The following SLC1A3 variants were observed in gnomAD, a reference collection of about 807,000 sequenced individuals.
SLC1A3 encodes the protein solute carrier family 1 member 3.
In SLC1A3, 21 loss-of-function variants were observed where a neutral mutation model predicts 48.1. The ratio of observed to expected loss-of-function variants is 0.44; its 90% CI spans 0.31 to 0.63. The LOEUF (loss-of-function observed/expected upper bound fraction) is 0.63, where lower values mean the gene tolerates loss of function less well. Ranked by LOEUF, SLC1A3 falls within the 20% of genes least tolerant of loss-of-function variation. The pLI is 0.08. For synonymous variants in SLC1A3, 239 were observed against 251.4 expected (o/e 0.95, Z 0.47); for missense variants, 546 against 689.0 (o/e 0.79, Z 2.32).
rs145882647 is a variant in SLC1A3 at position 36,608,601 on chromosome 5, G to C, written c.178G>C (p.Val60Leu). 2.5e-6 allele frequency: 4 copies of C among 1,610,940 alleles called. No homozygotes were observed. The African/African-American group carries it at 5.5e-5, about 22-fold the overall frequency. Residue 60 changes from valine to leucine, a missense_variant, in exon 2 of 10, where the codon GTG (valine) becomes CTG (leucine). Transcript: ENST00000265113. ...GCTGCTCACAGTCACCGCTGTCATTGTGGGTGAGTCATTTGATTAAAAACA... is the reference window on the plus strand; with the variant it reads ...GCTGCTCACAGTCACCGCTGTCATTCTGGGTGAGTCATTTGATTAAAAACA... ...FVLLTVTAVI[V>L]GTILGFTLRP...
chr5:36,672,308 G>T (rs1344103665), intron 4 of SLC1A3, among the ~76,000 whole-genome samples: 1 of 152,202 alleles, frequency 6.6e-6, no homozygotes, highest in Non-Finnish European at 1.5e-5. Flanking sequence ...GAGAACCCAT[G>T]TGTTGTGGTC....
chr5:36,654,141 C>G (rs951370465), intron 3 of SLC1A3, among the ~76,000 whole-genome samples: 1 of 152,228 alleles, frequency 6.6e-6, no homozygotes, highest in Non-Finnish European at 1.5e-5. Flanking sequence ...CACGCCCAGC[C>G]TAATGTTTTC....
intron 4 of SLC1A3, among the ~76,000 whole-genome samples, chr5:36,673,261 T>C (rs1580029850): frequency 6.6e-6 from 1 of 152,186 alleles, no homozygotes; most frequent in East Asian, 1.9e-4. Context: ...AACTGCTGGA[T>C]CATTTCTCCT....
intron 3 of SLC1A3, among the ~76,000 whole-genome samples, chr5:36,640,627 A>G (rs971933315): frequency 4.6e-5 from 7 of 152,194 alleles, no homozygotes; most frequent in Admixed American, 1.3e-4. Flanking sequence ...AGGATAAGTA[A>G]TAAGTCAAAA....
At chr5:36,597,236 T>TTC (rs1738753949) in intron 1 of SLC1A3, among the ~76,000 whole-genome samples, 1 of 50,370 alleles carries the variant, frequency 2.0e-5, no homozygotes, top group Non-Finnish European at 4.3e-5. Context: ...TTCCTTTCTT[T>TTC]TTTTTTTTTT....
At chr5:36,626,438 A>G (rs1426459782) in intron 2 of SLC1A3, among the ~76,000 whole-genome samples, 1 of 152,204 alleles carries the variant, frequency 6.6e-6, no homozygotes, top group South Asian at 2.1e-4. Flanking sequence ...ATTTCTAATA[A>G]CAAACAGCCA....
At chr5:36,610,246 T>C (rs1343729230) in intron 2 of SLC1A3, among the ~76,000 whole-genome samples, 2 of 152,196 alleles carry the variant, frequency 1.3e-5, no homozygotes, top group East Asian at 1.9e-4. Flanking sequence ...GGAAGAGAAA[T>C]ACCCTCATGA....
rs1374268353 is a variant in SLC1A3 at position 36,685,233 on chromosome 5, A to AT, written c.1425-825dup. Among the ~76,000 whole-genome samples, 7 of 152,144 alleles carry AT rather than the reference A, an allele frequency of 4.6e-5. No individual in the cohort carries two copies. The South Asian group carries it at 6.2e-4, about 13-fold the overall frequency. ...GGTTATATATGCTAACATAAATAGC[A>AT]TTTTTTTGCAAAAAACAACCATTTC... On this transcript the variant is annotated intron_variant, in intron 9 of 9. Coordinates refer to ENST00000265113, the MANE Select transcript of SLC1A3 (RefSeq NM_004172.5).
At chr5:36,670,312 C>A (rs1220116755) in intron 3 of SLC1A3, among the ~76,000 whole-genome samples, 1 of 151,996 alleles carries the variant, frequency 6.6e-6, no homozygotes, top group African/African-American at 2.4e-5. Context: ...ACCTGTGGGA[C>A]AAAGTAGAGG....
intron 3 of SLC1A3, among the ~76,000 whole-genome samples, chr5:36,659,094 C>G (rs898804926): frequency 2.0e-5 from 3 of 152,058 alleles, no homozygotes; most frequent in Admixed American, 2.0e-4. Flanking sequence ...ATGATTGATA[C>G]CAGTCTAGTG....
intron 3 of SLC1A3, among the ~76,000 whole-genome samples, chr5:36,646,342 T>G (rs574546075): frequency 6.6e-6 from 1 of 152,374 alleles, no homozygotes; most frequent in African/African-American, 2.4e-5. Context: ...CTGTGTGTTT[T>G]GCTTTTTCAG....
At position 36,686,252 on chromosome 5, in the gene SLC1A3, A is replaced by T. The variant is rs752803485; in HGVS notation, c.1612A>T (p.Ser538Cys). 68 of 1,612,804 alleles carry T rather than the reference A, an allele frequency of 4.2e-5. No homozygotes were observed. Among genetic ancestry groups the T allele is most frequent in the Non-Finnish European group, 5.4e-5 (64 of 1,178,804 alleles). The change falls in exon 10 of 10, where the codon AGT becomes TGT. Residue 538 changes from serine (S) to cysteine (C), a missense_variant. Coordinates refer to ENST00000265113, the MANE Select transcript of SLC1A3 (RefSeq NM_004172.5). ...CAATGAAACTGAGAAACCCATCGAC[A>T]GTGAAACCAAGATGTAGACTAACAT... ...QDNETEKPID[S>C]ETKM is the part of the protein sequence containing the mutation.
In SLC1A3 at chr5:36,679,759, C is replaced by T. The variant is rs768494940; in HGVS notation, c.993C>T (p.Ile331=). The change falls in exon 7 of 10, where the codon ATC becomes ATT. Residue 331 remains isoleucine (I), a synonymous_variant. Coordinates refer to ENST00000265113, the MANE Select transcript of SLC1A3 (RefSeq NM_004172.5). ...TTGGCTTACTCATTCACGCAGTCAT[C>T]GTCTTGCCACTCCTCTACTTCTTGG... ...VIVGLLIHAV[I]VLPLLYFLVT... 14 of 1,614,004 alleles carry T rather than the reference C, an allele frequency of 8.7e-6. No homozygotes were observed. The highest frequency in any genetic ancestry group is 1.7e-5 in the Admixed American group (1 of 60,002).
intron 1 of SLC1A3, among the ~76,000 whole-genome samples, chr5:36,597,105 A>T (rs993193186): frequency 2.0e-5 from 3 of 151,636 alleles, no homozygotes; most frequent in Admixed American, 6.6e-5. Flanking sequence ...CTTCAGGCTG[A>T]TTTTGCTGTG....
intron 3 of SLC1A3, among the ~76,000 whole-genome samples, chr5:36,645,319 C>CT (rs68027582): frequency 0.11 from 9,336 of 84,228 alleles, 3,714 homozygotes; most frequent in Non-Finnish European, 0.16. Context: ...CTTCCGCTGC[C>CT]TTTTTTTTTT....
intron 3 of SLC1A3, among the ~76,000 whole-genome samples, chr5:36,661,242 TC>T (rs756964922): frequency 1.3e-5 from 2 of 152,088 alleles, no homozygotes; most frequent in African/African-American, 2.4e-5. Flanking sequence ...CGAAACCCCG[TC>T]TCTACTAAAA....
At chr5:36,612,482 G>T (rs1457142128) in intron 2 of SLC1A3, among the ~76,000 whole-genome samples, 3 of 151,918 alleles carry the variant, frequency 2.0e-5, no homozygotes, top group Non-Finnish European at 2.9e-5. Flanking sequence ...CTACTTGGGG[G>T]GGCTGAAGTG....
At chr5:36,675,834 AC>A (rs1742183397) in intron 5 of SLC1A3, among the ~76,000 whole-genome samples, 1 of 152,156 alleles carries the variant, frequency 6.6e-6, no homozygotes, top group African/African-American at 2.4e-5. Flanking sequence ...TGGATAAGAA[AC>A]TTTTCCATTA....
At chr5:36,657,260 A>G (rs1041572666) in intron 3 of SLC1A3, among the ~76,000 whole-genome samples, 1 of 152,174 alleles carries the variant, frequency 6.6e-6, no homozygotes, top group African/African-American at 2.4e-5. Flanking sequence ...GCTATAGGGA[A>G]TTTTTTTGTT....
Sources: gnomAD v4.1 joint callset for allele counts (sites outside exome capture counted in the v4.1 genomes callset) on GRCh38, gnomAD v4.1.1 for gene constraint, MANE v1.5 for transcripts, NCBI Gene and HGNC (gene_info 2026-07-23, HGNC 2026-07-21) for gene names.